JPH3: variants seen among roughly 807,000 people sequenced by gnomAD.
The protein encoded by JPH3 is junctophilin-3.
Under a neutral mutation model 59.6 loss-of-function variants are expected in JPH3, and 11 were observed. That is an observed-to-expected ratio of 0.18 (90% confidence interval 0.12 to 0.31). JPH3 has a LOEUF of 0.31. Ranked by LOEUF, JPH3 falls within the 10% of genes least tolerant of loss-of-function variation. The pLI, the probability that JPH3 is intolerant of heterozygous loss-of-function variation, is 1.00. For missense variants in JPH3, 1,202 were observed against 1,105.7 expected (o/e 1.09, Z -1.24); for synonymous variants, 673 against 483.6 (o/e 1.39, Z -5.14).
intron 2 of JPH3, among the ~76,000 whole-genome samples, chr16:87,666,695 A>G (rs1374024914): frequency 6.6e-6 from 1 of 152,166 alleles, no homozygotes; most frequent in African/African-American, 2.4e-5. Flanking sequence ...TTGGTCTCCC[A>G]CAGTGCTGGG....
intron 2 of JPH3, among the ~76,000 whole-genome samples, chr16:87,652,082 C>G (rs1293166832): frequency 6.6e-6 from 1 of 152,038 alleles, no homozygotes; most frequent in Non-Finnish European, 1.5e-5. Context: ...TCACGCCATT[C>G]TCCTGCCTCA....
At chr16:87,646,067 G>T (rs2032139022) in intron 2 of JPH3, among the ~76,000 whole-genome samples, 1 of 152,200 alleles carries the variant, frequency 6.6e-6, no homozygotes, top group African/African-American at 2.4e-5. Flanking sequence ...TCCATGGGCT[G>T]CCCAGGCAGG....
chr16:87,667,822 G>GT (rs1237965795), intron 2 of JPH3, among the ~76,000 whole-genome samples: 32 of 151,048 alleles, frequency 2.1e-4, no homozygotes, highest in South Asian at 1.5e-3. Flanking sequence ...GTTTTGTTTT[G>GT]TTTTGTTTTG....
intron 2 of JPH3, chr16:87,654,432 G>A (rs34566488): frequency 0.037 from 5,692 of 152,360 alleles, 138 homozygotes; most frequent in South Asian, 0.095. Context: ...CGGTGGGGGA[G>A]GAGGGAAGGA....
chr16:87,655,449 G>C (rs1444551315), intron 2 of JPH3, among the ~76,000 whole-genome samples: 1 of 152,178 alleles, frequency 6.6e-6, no homozygotes, highest in African/African-American at 2.4e-5. Flanking sequence ...GATCTCCTGA[G>C]CTCAAACGAT....
intron 3 of JPH3, among the ~76,000 whole-genome samples, chr16:87,687,692 C>T (rs2033451159): frequency 6.6e-6 from 1 of 152,220 alleles, no homozygotes; most frequent in Non-Finnish European, 1.5e-5. Flanking sequence ...CTTCTAGGAA[C>T]GTTACCTGCT....
In JPH3 at chr16:87,644,428, G is replaced by A. The variant is rs1344327150; in HGVS notation, c.553G>A (p.Val185Met). ...GCTGCATCCCGACGCCTCTCCGGCG[G>A]TGGCCGGCAGCCCGGCCGTGTCCCG... ...TALHPDASPA[V>M]AGSPAVSRGG... The change falls in exon 2 of 5, where the codon GTG becomes ATG. Residue 185 changes from valine (V) to methionine (M), a missense_variant. Val to Met is a conservative substitution (Grantham distance 21, BLOSUM62 1). Coordinates refer to ENST00000284262, the MANE Select transcript of JPH3 (RefSeq NM_020655.4). 6.2e-7 allele frequency: 1 copy of A among 1,612,036 alleles called. No individual in the cohort carries two copies. The highest frequency in any genetic ancestry group is 2.2e-5 in the East Asian group (1 of 44,846).
At chr16:87,640,709 A>C (rs1303450734) in intron 1 of JPH3, among the ~76,000 whole-genome samples, 1 of 152,174 alleles carries the variant, frequency 6.6e-6, no homozygotes, top group African/African-American at 2.4e-5. Flanking sequence ...CGCTTTTTAA[A>C]TATAAGTATG....
rs1316357857 is a variant in JPH3 at position 87,698,006 on chromosome 16, G to GGGGCCAGCCCGTCTTA, written c.*1347_*1362dup. ...CAGGGATTCCCCATCCGGTCGTCTT[G>GGGGCCAGCCCGTCTTA]GGGCCAGCCCGTCTTATGGACTCTG... On this transcript the variant is annotated 3_prime_UTR_variant, in exon 5 of 5. Transcript: ENST00000284262. 6.6e-6 allele frequency: 1 copy of GGGGCCAGCCCGTCTTA among 152,650 alleles called. No homozygotes were observed. Among genetic ancestry groups the GGGGCCAGCCCGTCTTA allele is most frequent in the Admixed American group, 6.5e-5 (1 of 15,282 alleles). 9.5% of individuals were successfully genotyped at this position (152,650 alleles called of 1,614,324 possible). A position where few individuals can be genotyped will look rare whatever the true frequency, so the allele number is the denominator to read the frequency against.
intron 1 of JPH3, among the ~76,000 whole-genome samples, chr16:87,608,509 C>A (rs1001509570): frequency 6.6e-6 from 1 of 152,172 alleles, no homozygotes; most frequent in African/African-American, 2.4e-5. Context: ...CACCGCTGCA[C>A]TGGGGTCCTG....
chr16:87,629,954 C>T (rs185863218), intron 1 of JPH3, among the ~76,000 whole-genome samples: 2,036 of 152,258 alleles, frequency 0.013, 21 homozygotes, highest in Non-Finnish European at 0.021. Flanking sequence ...ACTTATTTTT[C>T]TCTAAAGCTA....
rs1301261416 is a variant in JPH3, at chr16:87,603,320, C to A, written c.174C>A (p.Gly58=). 1.1e-5 allele frequency: 17 copies of A among 1,613,110 alleles called. No homozygotes were observed. The highest frequency in any genetic ancestry group is 1.4e-5 in the Non-Finnish European group (16 of 1,179,786). ...TGGGCGTCTACACCTGGCCCAGCGG[C>A]AACACGTACCAGGGCACCTGGGCGC... ...EVLGVYTWPS[G]NTYQGTWAQG... is the part of the protein sequence containing the mutation. Residue 58 remains glycine, a synonymous_variant, in exon 1 of 5, where the codon GGC becomes GGA. Coordinates refer to ENST00000284262, the MANE Select transcript of JPH3 (RefSeq NM_020655.4).
At chr16:87,603,617 CGTCCTCCG>C in intron 1 of JPH3, 89 bp downstream of exon 1, 3 of 1,440,012 alleles carry the variant, frequency 2.1e-6, no homozygotes, top group Non-Finnish European at 1.9e-6. Context: ...AGTTGAGCTG[CGTCCTCCG>C]GTTGGGCCGT....
At chr16:87,632,276 A>C (rs757560431) in intron 1 of JPH3, among the ~76,000 whole-genome samples, 25 of 152,198 alleles carry the variant, frequency 1.6e-4, no homozygotes, top group Non-Finnish European at 2.4e-4. Flanking sequence ...GAAAAGACGA[A>C]AAAAAGAGCA....
At chr16:87,615,927 C>T (rs964112189) in intron 1 of JPH3, among the ~76,000 whole-genome samples, 2 of 152,186 alleles carry the variant, frequency 1.3e-5, no homozygotes, top group Non-Finnish European at 1.5e-5. Context: ...AGTGGTCAAT[C>T]AGGCGAGCTC....
chr16:87,602,542 G>GCCGCCA lies in JPH3; in HGVS notation c.-599_-594dup, dbSNP rs1182189292. On this transcript the variant is annotated 5_prime_UTR_variant, in exon 1 of 5. Coordinates refer to ENST00000284262, the MANE Select transcript of JPH3 (RefSeq NM_020655.4). ...AGCCGGGCCCGGAGCGCACGCCGCC[G>GCCGCCA]CCGCCACCGCCGCCGCCGCCGCCCG... 1.7e-4 allele frequency among the ~76,000 whole-genome samples: 24 copies of GCCGCCA among 139,386 alleles called. No individual in the cohort carries two copies. Among genetic ancestry groups the GCCGCCA allele is most frequent in the South Asian group, 4.5e-4 (2 of 4,432 alleles). 91.4% of individuals were successfully genotyped at this position (139,386 alleles called of 152,430 possible). A position where few individuals can be genotyped will look rare whatever the true frequency, so the allele number is the denominator to read the frequency against.
At chr16:87,647,314 C>T (rs2032185194) in intron 2 of JPH3, among the ~76,000 whole-genome samples, 1 of 151,738 alleles carries the variant, frequency 6.6e-6, no homozygotes, top group Non-Finnish European at 1.5e-5. Context: ...GGGACGCTGG[C>T]CAGCCAGCCT....
intron 2 of JPH3, among the ~76,000 whole-genome samples, chr16:87,675,809 G>A (rs1260653548): frequency 6.6e-6 from 1 of 152,232 alleles, no homozygotes; most frequent in Non-Finnish European, 1.5e-5. Context: ...AGGAGGGGCT[G>A]GGGAGAGGAC....
intron 1 of JPH3, among the ~76,000 whole-genome samples, chr16:87,632,270 A>G (rs2031587210): frequency 6.6e-6 from 1 of 152,200 alleles, no homozygotes; most frequent in Admixed American, 6.5e-5. Context: ...ATTGGCGAAA[A>G]GACGAAAAAA....
Sources: allele counts gnomAD v4.1 joint callset (sites outside exome capture counted in the v4.1 genomes callset), GRCh38; gene constraint gnomAD v4.1.1; transcripts MANE v1.5; gene names NCBI Gene and HGNC (gene_info 2026-07-23, HGNC 2026-07-21).